The following GPATCH2L variants were observed in gnomAD, a reference collection of about 807,000 sequenced individuals.
The protein encoded by GPATCH2L is G-patch domain containing 2 like.
A neutral mutation model predicts 57.4 loss-of-function variants in GPATCH2L; 31 were observed. That is an observed-to-expected ratio of 0.54 (90% CI 0.41 to 0.73). GPATCH2L has a LOEUF of 0.73. Among genes scored for constraint, GPATCH2L ranks in the 30% least tolerant of loss-of-function variants. The probability of loss-of-function intolerance (pLI) is 0.00; values close to 1 mark genes in which losing one functional copy is unlikely to be tolerated. For synonymous variants in GPATCH2L, 199 were observed against 210.7 expected, an observed-to-expected ratio of 0.94 and a Z score of 0.48; for missense variants, 481 against 599.9, an observed-to-expected ratio of 0.80 and a Z score of 2.07.
Position 76,199,562 on chromosome 14 carries a change from A to G in GPATCH2L, c.1289-2129A>G, listed in dbSNP as rs1594995197. ...GATTGTATTCCTGTTTTATGCTATTATGGAAAATACTGCACTGTTCTCTGA... is the reference window on the plus strand; with the variant it reads ...GATTGTATTCCTGTTTTATGCTATTGTGGAAAATACTGCACTGTTCTCTGA... On this transcript the variant is annotated intron_variant, in intron 9 of 9. Transcript: ENST00000261530. 3.3e-5 allele frequency among the ~76,000 whole-genome samples: 5 copies of G among 152,294 alleles called. 1 individual carries two copies.
chr14:76,180,611 A>G (rs940675489), intron 7 of GPATCH2L, among the ~76,000 whole-genome samples, 153 bp from the exon 8 acceptor site: 1 of 152,198 alleles, frequency 6.6e-6, no homozygotes, highest in African/African-American at 2.4e-5. Flanking sequence ...TAGGCAAACT[A>G]TGAAATATGT....
intron 2 of GPATCH2L, among the ~76,000 whole-genome samples, 159 bp downstream of exon 2, chr14:76,155,184 C>T (rs2038247171): frequency 6.6e-6 from 1 of 152,136 alleles, no homozygotes; most frequent in Non-Finnish European, 1.5e-5. Flanking sequence ...TTTTAAGGTA[C>T]CATTCATGAG....
intron 2 of GPATCH2L, chr14:76,234,948 C>A (rs2040590869): frequency 6.6e-6 from 1 of 152,282 alleles, no homozygotes; most frequent in Admixed American, 6.5e-5. Context: ...GCCAGCAGAT[C>A]ACCTGAGGTC....
rs1595001062 is a variant in GPATCH2L, at chr14:76,203,476, G to C, written c.*1625G>C. ...ATGTTCCACCCCTGGTTCTCATGCAGTAGTGTGGGAGAGTGCTGAAGCCGG... is the reference window on the plus strand; with the variant it reads ...ATGTTCCACCCCTGGTTCTCATGCACTAGTGTGGGAGAGTGCTGAAGCCGG... On this transcript the variant is annotated 3_prime_UTR_variant, in exon 10 of 10. Coordinates refer to ENST00000261530, the MANE Select transcript of GPATCH2L (RefSeq NM_017926.4). 6.6e-6 allele frequency: 1 copy of C among 152,488 alleles called. No homozygotes were observed. The highest frequency in any genetic ancestry group is 1.9e-4 in the East Asian group (1 of 5,186). The allele number at this position is 152,488 out of a possible 1,614,324, so 9.4% of individuals were successfully genotyped here.
chr14:76,184,984 C>G (rs1025932889), intron 8 of GPATCH2L, among the ~76,000 whole-genome samples: 5 of 152,192 alleles, frequency 3.3e-5, no homozygotes, highest in African/African-American at 1.2e-4. Context: ...ATAATTGGTG[C>G]AAACTCTGTA....
intron 9 of GPATCH2L, among the ~76,000 whole-genome samples, chr14:76,198,844 C>G (rs1452418984): frequency 1.3e-5 from 2 of 152,102 alleles, no homozygotes; most frequent in African/African-American, 4.8e-5. Context: ...GAATACCTAG[C>G]CCATAGAATA....
Position 76,166,675 on chromosome 14 carries a change from T to C in GPATCH2L, c.675T>C (p.Ser225=), listed in dbSNP as rs146721749. The change falls in exon 3 of 10, where the codon AGT becomes AGC. Residue 225 remains serine, a synonymous_variant. Transcript: ENST00000261530. ...ACTCTTTTTACAGTGAAACCAGCAGTGTGTGTAGCAGCAGTGACACTGGGC... is the reference window on the plus strand; with the variant it reads ...ACTCTTTTTACAGTGAAACCAGCAGCGTGTGTAGCAGCAGTGACACTGGGC... The part of the protein sequence containing the change: ...DENMSECETS[S]VCSSSDTGLF... 6.3e-5 allele frequency: 101 copies of C among 1,608,812 alleles called. No individual in the cohort carries two copies. Among genetic ancestry groups the C allele is most frequent in the Non-Finnish European group, 8.5e-5 (100 of 1,175,272 alleles).
In GPATCH2L at chr14:76,214,285, G is replaced by A. The variant is rs541652650; in HGVS notation, c.*12434G>A. Reference sequence around the variant, plus strand: ...AGCAGTGTTTTAAAATTATCCTTGTGTAGGTTTTGTGCATTTCTTGCTAAG... The same window carrying A: ...AGCAGTGTTTTAAAATTATCCTTGTATAGGTTTTGTGCATTTCTTGCTAAG... On this transcript the variant is annotated 3_prime_UTR_variant, in exon 10 of 10. Transcript: ENST00000261530. 2.0e-5 allele frequency: 3 copies of A among 152,282 alleles called. No homozygotes were observed. The highest frequency in any genetic ancestry group is 7.2e-5 in the African/African-American group (3 of 41,556). 9.4% of individuals were successfully genotyped at this position (152,282 alleles called of 1,614,324 possible). A position where few individuals can be genotyped will look rare whatever the true frequency, so the allele number is the denominator to read the frequency against.
Position 76,167,795 on chromosome 14 carries a change from A to T in GPATCH2L, c.727+1068A>T, listed in dbSNP as rs567858690. Reference sequence around the variant, plus strand: ...CTGTAACTAGAGTTTTGATTTTATTATACCAGGAAAGTCTGATGAGTTTCC... The same window carrying T: ...CTGTAACTAGAGTTTTGATTTTATTTTACCAGGAAAGTCTGATGAGTTTCC... On this transcript the variant is annotated intron_variant, in intron 3 of 9. Transcript: ENST00000261530. Among the ~76,000 whole-genome samples, 9 of 152,312 alleles carry T rather than the reference A, an allele frequency of 5.9e-5. No homozygotes were observed. In the East Asian group the frequency reaches 1.7e-3, roughly 29 times the overall value.
rs562183094 is a variant in GPATCH2L at position 76,219,845 on chromosome 14, T to C, written c.66-9963T>C. On this transcript the variant is annotated intron_variant and NMD_transcript_variant, in intron 1 of 3. Coordinates refer to the GPATCH2L transcript ENST00000556372. ...GCTGATTTGTGAGTGGTGGCAGTTA[T>C]TGGGTGAAATTTGTGATCTTAAAAT... 3.3e-5 allele frequency among the ~76,000 whole-genome samples: 5 copies of C among 152,282 alleles called. No homozygotes were observed. The South Asian group carries it at 6.2e-4, about 19-fold the overall frequency.
intron 8 of GPATCH2L, among the ~76,000 whole-genome samples, chr14:76,186,272 C>T (rs1305213396): frequency 6.6e-6 from 1 of 151,998 alleles, no homozygotes; most frequent in Non-Finnish European, 1.5e-5. Context: ...AGAGAGAGAC[C>T]TTCCTGCCCA....
chr14:76,222,598 A>G (rs2040520061), intron 1 of GPATCH2L, among the ~76,000 whole-genome samples: 1 of 150,988 alleles, frequency 6.6e-6, no homozygotes, highest in Non-Finnish European at 1.5e-5. Context: ...CCGGAGTGAG[A>G]CCCTGTAACA....
chr14:76,225,121 T>C (rs1211993373), intron 1 of GPATCH2L, among the ~76,000 whole-genome samples: 1 of 152,172 alleles, frequency 6.6e-6, no homozygotes, highest in Non-Finnish European at 1.5e-5. Context: ...GAAATTAAGC[T>C]GATTCTGAAA....
chr14:76,217,134 A>G (rs2040493347), downstream of GPATCH2L, among the ~76,000 whole-genome samples: 1 of 152,182 alleles, frequency 6.6e-6, no homozygotes, highest in Non-Finnish European at 1.5e-5. Flanking sequence ...GGGGTCAGCA[A>G]GCCACATAGC....
chr14:76,227,752 C>T (rs1429541420), intron 1 of GPATCH2L, among the ~76,000 whole-genome samples: 2 of 152,096 alleles, frequency 1.3e-5, no homozygotes, highest in Admixed American at 1.3e-4. Flanking sequence ...GATATCCACA[C>T]TGCATAGGTA....
intron 2 of GPATCH2L, among the ~76,000 whole-genome samples, chr14:76,166,123 C>T (rs1250374321): frequency 1.3e-5 from 2 of 152,050 alleles, no homozygotes; most frequent in Non-Finnish European, 2.9e-5. Context: ...ACTTTAGTTC[C>T]TTTTTTCAGA....
At chr14:76,168,582 A>G (rs1419970003) in intron 3 of GPATCH2L, among the ~76,000 whole-genome samples, 1 of 152,212 alleles carries the variant, frequency 6.6e-6, no homozygotes, top group Non-Finnish European at 1.5e-5. Flanking sequence ...CAATGATGAT[A>G]GGCGGCATGG....
intron 7 of GPATCH2L, chr14:76,179,068 T>G (rs2039458773): frequency 6.6e-6 from 1 of 151,636 alleles, no homozygotes; most frequent in African/African-American, 2.4e-5. Context: ...TTTTTGTTTT[T>G]TTTTTTTAAC....
chr14:76,186,906 C>T (rs1252055873), intron 8 of GPATCH2L, among the ~76,000 whole-genome samples: 2 of 152,116 alleles, frequency 1.3e-5, no homozygotes, highest in Admixed American at 1.3e-4. Flanking sequence ...TTTCAGGTGC[C>T]AGTGAGCAGT....
Sources: gnomAD v4.1 joint callset for allele counts (sites outside exome capture counted in the v4.1 genomes callset) on GRCh38, gnomAD v4.1.1 for gene constraint, MANE v1.5 for transcripts, NCBI Gene and HGNC (gene_info 2026-07-23, HGNC 2026-07-21) for gene names.